The following NOTCH4 variants were observed in gnomAD, a reference collection of about 807,000 sequenced individuals.
NOTCH4 encodes neurogenic locus notch homolog protein 4.
Under a neutral mutation model 189.0 loss-of-function variants are expected in NOTCH4, and 138 were observed. That is an observed-to-expected ratio of 0.73 (90% CI 0.64 to 0.84). NOTCH4 has a LOEUF of 0.84. NOTCH4 is among the 40% of genes least tolerant of loss of function. The pLI is 0.00. For missense variants in NOTCH4, 2,286 were observed against 2,605.4 expected (o/e 0.88, Z 2.67); for synonymous variants, 942 against 1,032.8 (o/e 0.91, Z 1.69).
chr6:32,223,283 A>AC (rs537071428), intron 1 of NOTCH4, among the ~76,000 whole-genome samples, 197 bp from the exon 2 acceptor site: 2 of 148,960 alleles, frequency 1.3e-5, no homozygotes, highest in African/African-American at 5.0e-5. Context: ...ACTAATCCCT[A>AC]CCCCCCTTTC....
At chr6:32,204,503 A>T in intron 18 of NOTCH4, 114 bp from the exon 19 acceptor site, 1 of 1,130,382 alleles carries the variant, frequency 8.8e-7, no homozygotes, top group Non-Finnish European at 1.3e-6. Flanking sequence ...CAACAGCATC[A>T]CTCAACTCAC....
chr6:32,204,087 T>C (rs1172262189), intron 19 of NOTCH4, 50 bp downstream of exon 19: 2 of 1,600,496 alleles, frequency 1.2e-6, no homozygotes, highest in South Asian at 1.1e-5. Flanking sequence ...CTCCATGGTC[T>C]GCTTGGCTGT....
At chr6:32,196,184 G>A in intron 29 of NOTCH4, 34 bp from the exon 30 acceptor site, 1 of 1,592,816 alleles carries the variant, frequency 6.3e-7, no homozygotes, top group Non-Finnish European at 8.5e-7. Context: ...TATCAGGGAA[G>A]GCCACGCCCA....
rs747836052 is a variant in NOTCH4, at chr6:32,195,927, G to A, written c.5522C>T (p.Pro1841Leu). The A allele has an allele frequency of 4.4e-5, 70 of 1,587,302 alleles. 1 individual carries two copies. The East Asian group carries it at 1.6e-3, about 35-fold the overall frequency. ...GCTTACTGACACCGTCCGTGCGCGC[G>A]GGAAGGGCCCAGCCTCGCGGCCCGG... ...ATPGREAGPF[P>L]RARTVSVSVP... The change falls in exon 30 of 30, where the codon CCG (proline) becomes CTG (leucine). Residue 1841 changes from proline to leucine, a missense_variant. Around this residue, in one of 2 missense-constraint regions of NOTCH4, gnomAD observed 383 missense variants for 343.5 expected, o/e 1.11. Transcript: ENST00000375023. This position sits in a 1 kb window ranked among gnomAD's most constrained non-coding sequence, Gnocchi z 5.4.
In NOTCH4 at chr6:32,199,041, G is replaced by A. The variant is rs1441415979; in HGVS notation, c.4420C>T (p.Arg1474Ter). The change falls in exon 24 of 30, where the codon CGA (arginine) becomes TGA (stop). Residue 1474 changes from arginine to a stop codon, truncating the protein, a stop_gained. Transcript: ENST00000375023. LOFTEE classifies it high-confidence loss of function. The surrounding 1 kb of genome is among the most constrained non-coding windows in gnomAD (Gnocchi z 4.9). ...CAGAGAGCTCCATGCTCTCGGCGTC[G>A]ACGCCGGATGAGCTGGAGGACGAGA... is the stretch of plus-strand genomic sequence containing the variant. ...ALLVLQLIRR[R>*]RREHGALWLP... is the part of the protein sequence containing the mutation. The A allele has an allele frequency of 1.7e-5, 27 of 1,612,774 alleles. No homozygotes were observed. The highest frequency in any genetic ancestry group is 2.3e-5 in the Non-Finnish European group (27 of 1,179,928).
At position 32,201,338 on chromosome 6, in the gene NOTCH4, T is replaced by TG. The variant is rs1263727065; in HGVS notation, c.3917dup (p.Ala1307SerfsTer28). 2 of 1,611,474 alleles carry TG rather than the reference T, an allele frequency of 1.2e-6. No homozygotes were observed. Among genetic ancestry groups the TG allele is most frequent in the Non-Finnish European group, 1.7e-6 (2 of 1,179,048 alleles). On this transcript the variant is annotated frameshift_variant, in exon 22 of 30. Coordinates refer to ENST00000375023, the MANE Select transcript of NOTCH4 (RefSeq NM_004557.4). LOFTEE classifies it high-confidence loss of function. The surrounding 1 kb of genome is among the most constrained non-coding windows in gnomAD (Gnocchi z 5.5). ...GGGCAAACAGCTGCTGGTCTAGGGCTGGGGGGCTCAGTACCACCAGCAGGG... is the reference window on the plus strand; with the variant it reads ...GGGCAAACAGCTGCTGGTCTAGGGCTGGGGGGGCTCAGTACCACCAGCAGGG...
rs769201800 is a variant in NOTCH4 at position 32,204,345 on chromosome 6, A to G, written c.2910T>C (p.Asp970=). 1.2e-6 allele frequency: 2 copies of G among 1,613,086 alleles called. No individual in the cohort carries two copies. Among genetic ancestry groups the G allele is most frequent in the Middle Eastern group, 1.6e-4 (1 of 6,062 alleles). ...TGTGACAGGGTTGGGACTGACAAGC[A>G]TCGAGTTCCTTTGAGCAGTTCTGTC... ...YDGQNCSKEL[D]ACQSQPCHNH... The change falls in exon 19 of 30, where the codon GAT becomes GAC. Residue 970 remains aspartate (D), a synonymous_variant. Coordinates refer to ENST00000375023, the MANE Select transcript of NOTCH4 (RefSeq NM_004557.4).
At chr6:32,197,277 A>G (rs1394439968) in intron 27 of NOTCH4, 22 bp downstream of exon 27, 1 of 1,518,302 alleles carries the variant, frequency 6.6e-7, no homozygotes. Context: ...CATTCCCTGT[A>G]GGGACCTCAG....
At position 32,219,690 on chromosome 6, in the gene NOTCH4, C is replaced by G; in HGVS notation, c.1412G>C (p.Arg471Pro). 2 of 1,613,056 alleles carry G rather than the reference C, an allele frequency of 1.2e-6. No individual in the cohort carries two copies. The highest frequency in any genetic ancestry group is 1.7e-6 in the Non-Finnish European group (2 of 1,179,970). ...CLCPPGYTGS[R>P]CEADHNECLS... is the part of the protein sequence containing the mutation. ...GCACTCATTGTGATCAGCCTCACAACGGGAGCCTGTGTAGCCAGGTGGACA... is the reference window on the plus strand; with the variant it reads ...GCACTCATTGTGATCAGCCTCACAAGGGGAGCCTGTGTAGCCAGGTGGACA... The change falls in exon 8 of 30, where the codon CGT becomes CCT. Residue 471 changes from arginine (R) to proline (P), a missense_variant. Transcript: ENST00000375023.
chr6:32,218,122 G>C lies in NOTCH4; in HGVS notation c.1511-14C>G, dbSNP rs1358892744. 6.5e-7 allele frequency: 1 copy of C among 1,542,510 alleles called. No individual in the cohort carries two copies. Among genetic ancestry groups the C allele is most frequent in the Non-Finnish European group, 8.9e-7 (1 of 1,121,370 alleles). On this transcript the variant is annotated splice_polypyrimidine_tract_variant and intron_variant, in intron 8 of 29. Coordinates refer to ENST00000375023, the MANE Select transcript of NOTCH4 (RefSeq NM_004557.4). ...GCCCTTCTAAGCCTGGGGACATGGGGACCATGAGGGCTGTGGCTCAGCCAG... is the reference window on the plus strand; with the variant it reads ...GCCCTTCTAAGCCTGGGGACATGGGCACCATGAGGGCTGTGGCTCAGCCAG...
Position 32,218,075 on chromosome 6 carries a change from T to C in NOTCH4, c.1544A>G (p.Asn515Ser), listed in dbSNP as rs891577895. 11 of 1,613,610 alleles carry C rather than the reference T, an allele frequency of 6.8e-6. No homozygotes were observed. Among genetic ancestry groups the C allele is most frequent in the Non-Finnish European group, 9.3e-6 (11 of 1,179,790 alleles). ...LEGQLCEVET[N>S]ECASAPCLNH... The stretch of plus-strand genomic sequence containing the variant: ...CAGGCAGGGAGCTGAGGCACACTCG[T>C]TGGTCTCCACCTCACAGAGCTGCCC... Residue 515 changes from asparagine to serine, a missense_variant, in exon 9 of 30, where the codon AAC becomes AGC. By Grantham distance (46) the Asn-to-Ser change is conservative. Transcript: ENST00000375023.
intron 15 of NOTCH4, 109 bp downstream of exon 15, chr6:32,213,026 G>C: frequency 8.0e-7 from 1 of 1,251,174 alleles, no homozygotes; most frequent in Non-Finnish European, 1.2e-6. Flanking sequence ...GAGGGAAGGC[G>C]GAACGAGGTG....
Position 32,199,088 on chromosome 6 carries a change from A to G in NOTCH4, c.4373T>C (p.Ile1458Thr), listed in dbSNP as rs1417161345. The change falls in exon 24 of 30, where the codon ATT (isoleucine) becomes ACT (threonine). Residue 1458 changes from isoleucine (I) to threonine (T), a missense_variant. By Grantham distance (89) the Ile-to-Thr change is moderately conservative. This residue lies in a region of NOTCH4 where 1,903 missense variants were observed against 2,261.9 expected (regional missense o/e 0.84). Transcript: ENST00000375023. This position sits in a 1 kb window ranked among gnomAD's most constrained non-coding sequence, Gnocchi z 4.9. ...PVLCSPVAGV[I>T]LLALGALLVL... ...GAGAAGAGCCCCTAGGGCCAGGAGA[A>G]TCACCCCGGCCACTGGGGAGCACAG... is the stretch of plus-strand genomic sequence containing the variant. 6.2e-7 allele frequency: 1 copy of G among 1,612,462 alleles called. No individual in the cohort carries two copies. The highest frequency in any genetic ancestry group is 8.5e-7 in the Non-Finnish European group (1 of 1,179,752).
chr6:32,210,859 G>A lies in NOTCH4; in HGVS notation c.2758C>T (p.Pro920Ser), dbSNP rs1213984385. 9.3e-6 allele frequency: 15 copies of A among 1,612,948 alleles called. No individual in the cohort carries two copies. Among genetic ancestry groups the A allele is most frequent in the Non-Finnish European group, 1.3e-5 (15 of 1,179,956 alleles). ...SGPSYFCHCP[P>S]GFQGSLCQDH... ...TGGCACAGGCTGCCTTGGAATCCAGGGGGGCAGTGGCAGAAATAGGAGGGG... is the reference window on the plus strand; with the variant it reads ...TGGCACAGGCTGCCTTGGAATCCAGAGGGGCAGTGGCAGAAATAGGAGGGG... Residue 920 changes from proline (P) to serine (S), a missense_variant, in exon 18 of 30, where the codon CCT (proline) becomes TCT (serine). Pro to Ser is a moderately conservative substitution (Grantham distance 74). Transcript: ENST00000375023. The surrounding 1 kb of genome is among the most constrained non-coding windows in gnomAD (Gnocchi z 4.8).
intron 12 of NOTCH4, among the ~76,000 whole-genome samples, chr6:32,214,611 A>G (rs1314622329): frequency 6.7e-6 from 1 of 148,756 alleles, no homozygotes; most frequent in Non-Finnish European, 1.5e-5. Flanking sequence ...CAGTAGCCAC[A>G]CAAAGTAGGT....
Position 32,204,264 on chromosome 6 carries a change from G to A in NOTCH4, c.2991C>T (p.Gly997=), listed in dbSNP as rs755781076. ...PGGFHCACPP[G]FVGLRCEGDV... ...CTCCCTCACAGCGTAGCCCCACAAA[G>A]CCTGGAGGGCAGGCACAGTGGAATC... The change falls in exon 19 of 30, where the codon GGC becomes GGT. Residue 997 remains glycine, a synonymous_variant. Coordinates refer to ENST00000375023, the MANE Select transcript of NOTCH4 (RefSeq NM_004557.4). 5.6e-6 allele frequency: 9 copies of A among 1,613,086 alleles called. No homozygotes were observed. The highest frequency in any genetic ancestry group is 1.3e-5 in the African/African-American group (1 of 75,044).
rs1306155852 is a variant in NOTCH4 at position 32,221,360 on chromosome 6, T to C, written c.452-35A>G. Reference sequence around the variant, plus strand: ...AGGACAGAGGGAGCCGTTTCTAGCATTGTACGAATTCTAGCCCATCTGAGG... The same window carrying C: ...AGGACAGAGGGAGCCGTTTCTAGCACTGTACGAATTCTAGCCCATCTGAGG... On this transcript the variant is annotated intron_variant, in intron 3 of 29. Coordinates refer to ENST00000375023, the MANE Select transcript of NOTCH4 (RefSeq NM_004557.4). This position sits in a 1 kb window ranked among gnomAD's most constrained non-coding sequence, Gnocchi z 4.3. The C allele has an allele frequency of 6.5e-7, 1 of 1,543,060 alleles. No homozygotes were observed. The highest frequency in any genetic ancestry group is 2.3e-5 in the East Asian group (1 of 44,406).
intron 1 of NOTCH4, 101 bp downstream of exon 1, chr6:32,223,755 G>C: frequency 8.5e-7 from 1 of 1,180,676 alleles, no homozygotes; most frequent in South Asian, 1.4e-5. Flanking sequence ...CCTCCATCCA[G>C]CATCCCTCAC....
In NOTCH4 at chr6:32,198,225, A is replaced by G. The variant is rs1008086830; in HGVS notation, c.4756+196T>C. Among the ~76,000 whole-genome samples the G allele has an allele frequency of 7.9e-5, 12 of 152,200 alleles. No individual in the cohort carries two copies. Among genetic ancestry groups the G allele is most frequent in the African/African-American group, 2.9e-4 (12 of 41,438 alleles). On this transcript the variant is annotated intron_variant, in intron 26 of 29. Coordinates refer to ENST00000375023, the MANE Select transcript of NOTCH4 (RefSeq NM_004557.4). This position sits in a 1 kb window ranked among gnomAD's most constrained non-coding sequence, Gnocchi z 5.5. ...TCCTGAGTCAGTAGCTCTGTAGTGGAGCCCAATAATTTGCATTTCTGACAA... is the reference window on the plus strand; with the variant it reads ...TCCTGAGTCAGTAGCTCTGTAGTGGGGCCCAATAATTTGCATTTCTGACAA...
Sources: allele counts gnomAD v4.1 joint callset (sites outside exome capture counted in the v4.1 genomes callset), GRCh38; gene constraint gnomAD v4.1.1; regional missense constraint gnomAD v4.1.1; non-coding constraint Gnocchi (gnomAD v3.1); transcripts MANE v1.5; gene names NCBI Gene and HGNC (gene_info 2026-07-23, HGNC 2026-07-21).